The following FAT3 variants were observed in gnomAD, a reference collection of about 807,000 sequenced individuals.
FAT3 encodes FAT atypical cadherin 3, also known as protocadherin Fat 3.
FAT3 carries 95 observed loss-of-function variants against 310.2 expected under a neutral mutation model. That is an observed-to-expected ratio of 0.31 (90% CI 0.26 to 0.36). FAT3 has a LOEUF of 0.36. Among genes scored for constraint, FAT3 ranks in the 10% least tolerant of loss-of-function variants. The pLI is 1.00. For missense variants in FAT3, 5,408 were observed against 5,715.6 expected (o/e 0.95, Z 1.74); for synonymous variants, 2,314 against 2,192.9 (o/e 1.06, Z -1.54).
At chr11:92,654,042 G>A (rs373119330) in intron 3 of FAT3, among the ~76,000 whole-genome samples, 2 of 152,130 alleles carry the variant, frequency 1.3e-5, no homozygotes, top group East Asian at 1.9e-4. Context: ...TTTTTCTGTA[G>A]CATATTTTCA....
chr11:92,405,824 G>A (rs1298914069), intron 2 of FAT3, among the ~76,000 whole-genome samples: 2 of 152,158 alleles, frequency 1.3e-5, no homozygotes, highest in Non-Finnish European at 2.9e-5. Context: ...TTGGAAAGGA[G>A]GCAATAAGAA....
chr11:92,371,718 C>T (rs1426250951), intron 2 of FAT3, among the ~76,000 whole-genome samples: 1 of 151,968 alleles, frequency 6.6e-6, no homozygotes, highest in African/African-American at 2.4e-5. Flanking sequence ...CTCTGTACAC[C>T]CCTCCCTGCC....
rs763862130 is a variant in FAT3 at position 92,882,957 on chromosome 11, C to T, written c.12501C>T (p.Ile4167=). ...GIAVVLFVIF[I]LVVLFIVFRK... The stretch of plus-strand genomic sequence containing the variant: ...CCGTGGTCCTCTTCGTCATCTTCAT[C>T]CTGGTGGTTCTCTTCATAGTCTTCC... Residue 4167 remains isoleucine, a synonymous_variant, in exon 24 of 28, where the codon ATC becomes ATT. Transcript: ENST00000525166. The T allele has an allele frequency of 1.2e-6, 2 of 1,613,798 alleles. No homozygotes were observed. The highest frequency in any genetic ancestry group is 2.2e-5 in the East Asian group (1 of 44,856).
At chr11:92,588,261 T>G (rs1939252882) in intron 3 of FAT3, among the ~76,000 whole-genome samples, 1 of 152,026 alleles carries the variant, frequency 6.6e-6, no homozygotes, top group Non-Finnish European at 1.5e-5. Flanking sequence ...GCTGCTCCTT[T>G]TTGATGTCAT....
At chr11:92,434,447 A>G (rs991647686) in intron 2 of FAT3, among the ~76,000 whole-genome samples, 2 of 152,188 alleles carry the variant, frequency 1.3e-5, no homozygotes, top group African/African-American at 4.8e-5. Flanking sequence ...ATATTTCTGC[A>G]TAAAATGTGG....
At chr11:92,823,187 T>C (rs1948015359) in intron 13 of FAT3, among the ~76,000 whole-genome samples, 1 of 152,194 alleles carries the variant, frequency 6.6e-6, no homozygotes, top group African/African-American at 2.4e-5. Context: ...ATGGATCCAG[T>C]GGTCACACTT....
At chr11:92,613,817 AG>A (rs1472353416) in intron 3 of FAT3, among the ~76,000 whole-genome samples, 1 of 152,212 alleles carries the variant, frequency 6.6e-6, no homozygotes, top group African/African-American at 2.4e-5. Context: ...GTTTATTCAC[AG>A]AATTGTGCAT....
chr11:92,482,323 A>G (rs1591350375), intron 2 of FAT3, among the ~76,000 whole-genome samples: 2 of 152,320 alleles, frequency 1.3e-5, no homozygotes, highest in East Asian at 3.9e-4. Flanking sequence ...TAGTAATAGC[A>G]GTAGCCATTG....
intron 1 of FAT3, among the ~76,000 whole-genome samples, chr11:92,338,243 A>G (rs1948144316): frequency 1.3e-5 from 2 of 152,196 alleles, no homozygotes; most frequent in African/African-American, 4.8e-5. Flanking sequence ...TGTATTACAT[A>G]ATTAGTGGCA....
At chr11:92,429,052 C>T (rs1950703853) in intron 2 of FAT3, among the ~76,000 whole-genome samples, 1 of 152,170 alleles carries the variant, frequency 6.6e-6, no homozygotes, top group Admixed American at 6.5e-5. Flanking sequence ...CTTTATGAAT[C>T]TGGGTGCTCC....
At chr11:92,340,382 C>T (rs1464524144) in intron 1 of FAT3, among the ~76,000 whole-genome samples, 2 of 152,088 alleles carry the variant, frequency 1.3e-5, no homozygotes, top group African/African-American at 4.8e-5. Flanking sequence ...TGATACCTGG[C>T]CCCTTAGTTG....
At chr11:92,408,383 G>A (rs1479559243) in intron 2 of FAT3, among the ~76,000 whole-genome samples, 1 of 152,140 alleles carries the variant, frequency 6.6e-6, no homozygotes, top group Admixed American at 6.5e-5. Context: ...ATAGCAGGGG[G>A]ATAGCTTCGT....
chr11:92,803,466 T>G (rs1011145184), intron 10 of FAT3, among the ~76,000 whole-genome samples: 10 of 152,320 alleles, frequency 6.6e-5, no homozygotes, highest in Non-Finnish European at 1.3e-4. Flanking sequence ...ATAGAGAGGT[T>G]AAGTTTGTGT....
chr11:92,716,255 A>G (rs756149109), intron 4 of FAT3, among the ~76,000 whole-genome samples: 1 of 152,168 alleles, frequency 6.6e-6, no homozygotes, highest in Non-Finnish European at 1.5e-5. Flanking sequence ...TTCCTCATGG[A>G]TGTCAGAAGC....
At chr11:92,854,634 A>G (rs943160720) in intron 19 of FAT3, among the ~76,000 whole-genome samples, 1 of 152,202 alleles carries the variant, frequency 6.6e-6, no homozygotes, top group African/African-American at 2.4e-5. Flanking sequence ...TTTAATTTTT[A>G]TTGTATTCAC....
At chr11:92,358,030 G>A (rs1948781129) in intron 2 of FAT3, among the ~76,000 whole-genome samples, 1 of 151,294 alleles carries the variant, frequency 6.6e-6, no homozygotes, top group African/African-American at 2.4e-5. Flanking sequence ...AAAATTATCT[G>A]GGTGTGGTGG....
intron 2 of FAT3, among the ~76,000 whole-genome samples, chr11:92,418,955 T>C (rs944539149): frequency 8.5e-5 from 13 of 152,246 alleles, no homozygotes; most frequent in African/African-American, 2.9e-4. Context: ...ATTTTTATAG[T>C]ATCTGGACCT....
At chr11:92,877,771 GA>G (rs1949567215) in intron 22 of FAT3, among the ~76,000 whole-genome samples, 1 of 152,164 alleles carries the variant, frequency 6.6e-6, no homozygotes, top group African/African-American at 2.4e-5. Context: ...TTGGAAGATA[GA>G]AAATGTATTA....
At chr11:92,232,767 C>A (rs1406504105) in intron 1 of FAT3, among the ~76,000 whole-genome samples, 2 of 149,470 alleles carry the variant, frequency 1.3e-5, no homozygotes, top group Non-Finnish European at 3.0e-5. Context: ...AAGCACTAGG[C>A]AAAACTCAGT....
Sources: allele counts gnomAD v4.1 joint callset (sites outside exome capture counted in the v4.1 genomes callset), GRCh38; gene constraint gnomAD v4.1.1; transcripts MANE v1.5; gene names NCBI Gene and HGNC (gene_info 2026-07-23, HGNC 2026-07-21).